The following SORCS2 variants were observed in gnomAD, a reference collection of about 807,000 sequenced individuals.
SORCS2 encodes VPS10 domain-containing receptor SorCS2.
A neutral mutation model predicts 141.6 loss-of-function variants in SORCS2; 100 were observed. That is an observed-to-expected ratio of 0.71 (90% CI 0.60 to 0.83). SORCS2 has a LOEUF of 0.83. SORCS2 is among the 40% of genes least tolerant of loss of function. The probability of loss-of-function intolerance (pLI) is 0.00; values close to 1 mark genes in which losing one functional copy is unlikely to be tolerated. For missense variants in SORCS2, 1,646 were observed against 1,560.2 expected (o/e 1.05, Z -0.93); for synonymous variants, 789 against 676.9 (o/e 1.17, Z -2.57).
chr4:7,604,995 A>G (rs920868303), intron 3 of SORCS2, among the ~76,000 whole-genome samples: 3 of 152,212 alleles, frequency 2.0e-5, no homozygotes, highest in Non-Finnish European at 4.4e-5. Context: ...TCAGCCACGA[A>G]TAATGTAAAA....
rs140752787 is a variant in SORCS2, at chr4:7,471,548, G to T, written c.549-59982G>T. On this transcript the variant is annotated intron_variant, in intron 2 of 26. Transcript: ENST00000507866. ...AGAGGGAGCAGAACGAAGATCAGCA[G>T]TGGCCCTCCAGCGGGGCTCGCCGCC... Among the ~76,000 whole-genome samples, 595 of 152,348 alleles carry T rather than the reference G, an allele frequency of 3.9e-3. 6 individuals carry two copies. The highest frequency in any genetic ancestry group is 0.013 in the African/African-American group (555 of 41,584).
chr4:7,264,733 C>T (rs946951039), intron 1 of SORCS2, among the ~76,000 whole-genome samples: 9 of 152,224 alleles, frequency 5.9e-5, no homozygotes, highest in Non-Finnish European at 1.5e-5. Context: ...AGCCCCTCAC[C>T]ATGCCTGGGT....
chr4:7,386,706 CAG>C (rs1484158545), intron 1 of SORCS2, among the ~76,000 whole-genome samples: 3 of 145,432 alleles, frequency 2.1e-5, no homozygotes, highest in African/African-American at 5.1e-5. Flanking sequence ...CACACAGATA[CAG>C]AGATACACAT....
chr4:7,203,878 G>T lies in SORCS2; in HGVS notation c.480+10752G>T, dbSNP rs552184421. ...TACTTTCTGTCTCTATGAATTTGAT[G>T]CTCTAATGGCCTCATATGGGTGGAA... On this transcript the variant is annotated intron_variant, in intron 1 of 26. Coordinates refer to ENST00000507866, the MANE Select transcript of SORCS2 (RefSeq NM_020777.3). 6.6e-5 allele frequency among the ~76,000 whole-genome samples: 10 copies of T among 152,206 alleles called. 1 individual carries two copies. The South Asian group carries it at 1.7e-3, about 25-fold the overall frequency.
At chr4:7,499,562 C>T (rs1196138798) in intron 2 of SORCS2, among the ~76,000 whole-genome samples, 4 of 152,058 alleles carry the variant, frequency 2.6e-5, no homozygotes, top group South Asian at 4.2e-4. Flanking sequence ...ACCTGGAACT[C>T]GACACTGGCT....
intron 3 of SORCS2, among the ~76,000 whole-genome samples, chr4:7,624,214 G>A (rs1719383376): frequency 6.6e-6 from 1 of 152,074 alleles, no homozygotes; most frequent in East Asian, 1.9e-4. Context: ...GACCCTGACT[G>A]GGGCTTCTCC....
At chr4:7,496,490 C>G (rs12054603) in intron 2 of SORCS2, among the ~76,000 whole-genome samples, 120,371 of 135,816 alleles carry the variant, frequency 0.89, 55,019 homozygotes, top group South Asian at 0.99. Context: ...TCCCCCATCT[C>G]AGGGCAGTGA....
intron 2 of SORCS2, among the ~76,000 whole-genome samples, chr4:7,474,863 A>G (rs528243955): frequency 1.0e-3 from 159 of 152,190 alleles, no homozygotes; most frequent in Non-Finnish European, 2.1e-3. Context: ...GGCTCCCTCT[A>G]TGGGCTCCTG....
At chr4:7,279,986 G>A (rs530047418) in intron 1 of SORCS2, among the ~76,000 whole-genome samples, 1 of 150,610 alleles carries the variant, frequency 6.6e-6, no homozygotes, top group Non-Finnish European at 1.5e-5. Context: ...AGACCTCAAA[G>A]CTGTCCTTCC....
intron 14 of SORCS2, among the ~76,000 whole-genome samples, chr4:7,707,478 C>A (rs1725543741): frequency 6.6e-6 from 1 of 152,218 alleles, no homozygotes; most frequent in Admixed American, 6.5e-5. Context: ...GTGTGGACCC[C>A]TCTCAGGGTA....
chr4:7,629,474 G>C (rs62277516), intron 3 of SORCS2, among the ~76,000 whole-genome samples: 48,569 of 151,620 alleles, frequency 0.32, 8,559 homozygotes, highest in East Asian at 0.74. Flanking sequence ...GAGGAGGTGG[G>C]AGTCAGGAGG....
chr4:7,555,084 TCTC>T (rs1490441439), intron 3 of SORCS2, among the ~76,000 whole-genome samples: 1 of 152,166 alleles, frequency 6.6e-6, no homozygotes, highest in Non-Finnish European at 1.5e-5. Context: ...TGTTCAGGTT[TCTC>T]TCTGGATACT....
Position 7,192,663 on chromosome 4 carries a change from C to A in SORCS2, c.17C>A (p.Pro6His). ...CTGGCGACCATGGCGCACCGGGGGC[C>A]CTCGCGCGCCTCGAAGGGCCCCGGC... Reference protein sequence around the residue: MAHRGPSRASKGPGPT... With the variant: MAHRGHSRASKGPGPT... Residue 6 changes from proline (P) to histidine (H), a missense_variant, in exon 1 of 27, where the codon CCC (proline) becomes CAC (histidine). By Grantham distance (77) the Pro-to-His change is moderately conservative (BLOSUM62 -2). Coordinates refer to ENST00000507866, the MANE Select transcript of SORCS2 (RefSeq NM_020777.3). The surrounding 1 kb of genome is among the most constrained non-coding windows in gnomAD (Gnocchi z 4.0). The A allele has an allele frequency of 4.1e-6, 4 of 987,464 alleles. No individual in the cohort carries two copies. The highest frequency in any genetic ancestry group is 4.8e-6 in the Non-Finnish European group (4 of 832,584). The allele number at this position is 987,464 out of a possible 1,614,324, so 61.2% of individuals were successfully genotyped here. A position where few individuals can be genotyped will look rare whatever the true frequency, so the allele number is the denominator to read the frequency against.
chr4:7,588,600 T>C (rs1716697670), intron 3 of SORCS2, among the ~76,000 whole-genome samples: 1 of 152,194 alleles, frequency 6.6e-6, no homozygotes, highest in Non-Finnish European at 1.5e-5. Context: ...GGGAATCACG[T>C]GGGCTGGCCT....
chr4:7,459,179 C>T (rs998834883), intron 2 of SORCS2, among the ~76,000 whole-genome samples: 6 of 152,128 alleles, frequency 3.9e-5, no homozygotes, highest in Admixed American at 2.0e-4. Context: ...AGCTCAGATC[C>T]GAGCCCTCCC....
intron 17 of SORCS2, among the ~76,000 whole-genome samples, chr4:7,717,805 T>C (rs1227996152): frequency 6.6e-6 from 1 of 152,188 alleles, no homozygotes; most frequent in East Asian, 1.9e-4. Context: ...TCCTTCTTCC[T>C]CTGAGCCTCA....
intron 2 of SORCS2, among the ~76,000 whole-genome samples, chr4:7,479,756 C>T (rs1408662020): frequency 1.3e-5 from 2 of 152,272 alleles, no homozygotes; most frequent in African/African-American, 4.8e-5. Flanking sequence ...TTCTAGGATA[C>T]AGATGCTCTG....
intron 3 of SORCS2, among the ~76,000 whole-genome samples, chr4:7,621,359 AG>A (rs1283287914): frequency 6.8e-6 from 1 of 147,102 alleles, no homozygotes; most frequent in South Asian, 2.2e-4. Flanking sequence ...TCTATGTGTG[AG>A]TGTTATGTTT....
chr4:7,700,342 G>T (rs190236928), intron 12 of SORCS2, among the ~76,000 whole-genome samples: 2 of 152,318 alleles, frequency 1.3e-5, no homozygotes, highest in Non-Finnish European at 2.9e-5. Flanking sequence ...TCTCTTTGCT[G>T]GTACCCAGTG....
Sources: gnomAD v4.1 joint callset for allele counts (sites outside exome capture counted in the v4.1 genomes callset) on GRCh38, gnomAD v4.1.1 for gene constraint, Gnocchi (gnomAD v3.1) non-coding constraint, MANE v1.5 for transcripts, NCBI Gene and HGNC (gene_info 2026-07-23, HGNC 2026-07-21) for gene names.